The following WDR24 variants were observed in gnomAD, a reference collection of about 807,000 sequenced individuals.
The protein encoded by WDR24 is WD repeat domain 24, also known as GATOR2 complex protein WDR24.
In WDR24, 32 loss-of-function variants were observed where a neutral mutation model predicts 66.7. The observed-to-expected ratio is 0.48, with a 90% CI of 0.36 to 0.64. The LOEUF (loss-of-function observed/expected upper bound fraction) is 0.64. Ranked by LOEUF, WDR24 falls within the 30% of genes least tolerant of loss-of-function variation. The probability of loss-of-function intolerance (pLI) is 0.00; values close to 1 mark genes in which losing one functional copy is unlikely to be tolerated. For missense variants in WDR24, 978 were observed against 1,144.1 expected (o/e 0.85, Z 2.09); for synonymous variants, 565 against 469.1 (o/e 1.20, Z -2.64).
At chr16:688,925 A>T in intron 1 of WDR24, 1 of 611,502 alleles carries the variant, frequency 1.6e-6, no homozygotes, top group Non-Finnish European at 2.8e-6. Flanking sequence ...CCCCACACCT[A>T]GCCTCAATTT....
chr16:684,896 G>T lies in WDR24; in HGVS notation c.2211C>A (p.His737Gln). ...SSRGWVCDRCHRCASMCAVCH... is the reference protein window; with the variant it reads ...SSRGWVCDRCQRCASMCAVCH... ...AGACGGCACACATGCTGGCGCAGCG[G>T]TGGCACCTGGGGGCGGGCGGGAGGG... Residue 737 changes from histidine (H) to glutamine (Q), a missense_variant, in exon 9 of 9, where the codon CAC (histidine) becomes CAA (glutamine). Around this residue, in one of 2 missense-constraint regions of WDR24, gnomAD observed 676 missense variants for 617.5 expected, o/e 1.09. Coordinates refer to ENST00000293883, the MANE Select transcript of WDR24 (RefSeq NM_032259.4). 1.3e-6 allele frequency: 2 copies of T among 1,540,250 alleles called. No individual in the cohort carries two copies.
intron 1 of WDR24, 166 bp downstream of exon 1, chr16:688,994 G>T: frequency 8.8e-7 from 1 of 1,136,694 alleles, no homozygotes; most frequent in Non-Finnish European, 1.2e-6. Context: ...ATGCCGTCCA[G>T]CCCAACTTGC....
intron 1 of WDR24, among the ~76,000 whole-genome samples, chr16:688,452 T>C (rs1176032659): frequency 6.6e-6 from 1 of 152,206 alleles, no homozygotes; most frequent in Admixed American, 6.5e-5. Flanking sequence ...TGCGCCCAGC[T>C]AATTTTTTGT....
At chr16:686,428 G>A (rs1233143243) in intron 3 of WDR24, among the ~76,000 whole-genome samples, 1 of 152,208 alleles carries the variant, frequency 6.6e-6, no homozygotes, top group Non-Finnish European at 1.5e-5. Context: ...GCTAGAGATG[G>A]GCATGGGAAC....
Position 687,041 on chromosome 16 carries a change from G to A in WDR24, c.1035C>T (p.Tyr345=), listed in dbSNP as rs117601860. The change falls in exon 3 of 9, where the codon TAC becomes TAT. Residue 345 remains tyrosine (Y), a synonymous_variant. Coordinates refer to ENST00000293883, the MANE Select transcript of WDR24 (RefSeq NM_032259.4). ...CGAAGGCCAGGTCCCCGAAGAGGCCGTAGCAGAGGCCCTCAGGGTTGGCGC... is the reference window on the plus strand; with the variant it reads ...CGAAGGCCAGGTCCCCGAAGAGGCCATAGCAGAGGCCCTCAGGGTTGGCGC... ...VERANPEGLC[Y]GLFGDLAFAA... 54 of 1,603,424 alleles carry A rather than the reference G, an allele frequency of 3.4e-5. No individual in the cohort carries two copies. The East Asian group carries it at 8.5e-4, about 25-fold the overall frequency.
At chr16:686,616 A>G in intron 3 of WDR24, 128 bp downstream of exon 3, 1 of 1,203,898 alleles carries the variant, frequency 8.3e-7, no homozygotes, top group Non-Finnish European at 1.2e-6. Context: ...CTACCAAGGC[A>G]AGGCCTGTTG....
chr16:687,703 A>T lies in WDR24; in HGVS notation c.518T>A (p.Ile173Asn). ...GGAGGCGAAGGTGAAGTAGTCCCGG[A>T]TACTGAACTGCACGTCCCGCACGCT... ...SESVRDVQFSIRDYFTFASTF... is the reference protein window; with the variant it reads ...SESVRDVQFSNRDYFTFASTF... The change falls in exon 2 of 9, where the codon ATC (isoleucine) becomes AAC (asparagine). Residue 173 changes from isoleucine (I) to asparagine (N), a missense_variant. Coordinates refer to ENST00000293883, the MANE Select transcript of WDR24 (RefSeq NM_032259.4). 6.2e-7 allele frequency: 1 copy of T among 1,613,600 alleles called. No individual in the cohort carries two copies. Among genetic ancestry groups the T allele is most frequent in the Non-Finnish European group, 8.5e-7 (1 of 1,180,002 alleles).
At chr16:688,221 G>C in intron 1 of WDR24, 1 of 375,818 alleles carries the variant, frequency 2.7e-6, no homozygotes, top group East Asian at 7.3e-5. Context: ...CACCCTAGGG[G>C]ACCACCACAC....
At position 689,182 on chromosome 16, in the gene WDR24, C is replaced by G. The variant is rs1467108461; in HGVS notation, c.459G>C (p.Lys153Asn). The part of the protein sequence containing the change: ...GFMKCFDLRR[K>N]DSVSTFSGQS... ...CACCCGAGAAGGTGCTGACAGAGTCCTTTCTGCGGAGGTCAAAGCACTTCA... is the reference window on the plus strand; with the variant it reads ...CACCCGAGAAGGTGCTGACAGAGTCGTTTCTGCGGAGGTCAAAGCACTTCA... Residue 153 changes from lysine to asparagine, a missense_variant, in exon 1 of 9, where the codon AAG becomes AAC. By Grantham distance (94) the Lys-to-Asn change is moderately conservative (BLOSUM62 0). Transcript: ENST00000293883. The G allele has an allele frequency of 6.2e-7, 1 of 1,613,544 alleles. No homozygotes were observed. The highest frequency in any genetic ancestry group is 1.7e-5 in the Admixed American group (1 of 60,002).
In WDR24 at chr16:685,191, G is replaced by C. The variant is rs781547839; in HGVS notation, c.2020-15C>G. The C allele has an allele frequency of 6.3e-7, 1 of 1,593,090 alleles. No individual in the cohort carries two copies. Among genetic ancestry groups the C allele is most frequent in the Non-Finnish European group, 8.5e-7 (1 of 1,169,628 alleles). Reference sequence around the variant, plus strand: ...TACCAGTGCTCCTGGGGGAGGGAGCGCCCGGCAGTCAGGATCTGGGTGCCA... The same window carrying C: ...TACCAGTGCTCCTGGGGGAGGGAGCCCCCGGCAGTCAGGATCTGGGTGCCA... On this transcript the variant is annotated splice_polypyrimidine_tract_variant and intron_variant, in intron 7 of 8. Coordinates refer to ENST00000293883, the MANE Select transcript of WDR24 (RefSeq NM_032259.4).
chr16:684,955 C>A, intron 8 of WDR24, 37 bp downstream of exon 8: 2 of 1,536,870 alleles, frequency 1.3e-6, no homozygotes, highest in Non-Finnish European at 8.7e-7. Flanking sequence ...GCGCTGCCTG[C>A]AGGCCCCTGC....
At position 684,780 on chromosome 16, in the gene WDR24, C is replaced by T. The variant is rs1427711661; in HGVS notation, c.2327G>A (p.Ser776Asn). Residue 776 changes from serine (S) to asparagine (N), a missense_variant, in exon 9 of 9, where the codon AGC becomes AAC. Coordinates refer to ENST00000293883, the MANE Select transcript of WDR24 (RefSeq NM_032259.4). ...GCCGCAGCCTGCGGGACAGTGGGAG[C>T]TGCCTTCCAGCCACTTCATGATGTG... ...LQHIMKWLEG[S>N]SHCPAGCGHL... 1.0e-5 allele frequency: 16 copies of T among 1,597,472 alleles called. No homozygotes were observed. In the Admixed American group the frequency reaches 2.4e-4, roughly 24 times the overall value.
chr16:687,911 A>C, intron 1 of WDR24, 172 bp from the exon 2 acceptor site: 2 of 860,740 alleles, frequency 2.3e-6, no homozygotes, highest in East Asian at 2.6e-5. Context: ...CAGAGTCGCC[A>C]CAAGAGCCTG....
Position 684,713 on chromosome 16 carries a change from G to A in WDR24, c.*21C>T. ...CGGGGTTCTGCACGCGGCCGCCCGG[G>A]CAAGCCCAGCAGATGCCCCGTCAGG... On this transcript the variant is annotated 3_prime_UTR_variant, in exon 9 of 9. Transcript: ENST00000293883. 4 of 1,567,552 alleles carry A rather than the reference G, an allele frequency of 2.6e-6. No homozygotes were observed. The highest frequency in any genetic ancestry group is 2.3e-5 in the East Asian group (1 of 42,934).
chr16:685,220 G>A (rs773040198), intron 7 of WDR24, 37 bp downstream of exon 7: 1 of 1,597,648 alleles, frequency 6.3e-7, no homozygotes, highest in Non-Finnish European at 8.5e-7. Flanking sequence ...GGTGCCAGGG[G>A]CGGCGCTGCA....
At position 684,792 on chromosome 16, in the gene WDR24, C is replaced by T. The variant is rs772654949; in HGVS notation, c.2315G>A (p.Trp772Ter). 1 of 1,593,628 alleles carries T rather than the reference C, an allele frequency of 6.3e-7. No homozygotes were observed. The highest frequency in any genetic ancestry group is 8.5e-7 in the Non-Finnish European group (1 of 1,171,618). ...GGGACAGTGGGAGCTGCCTTCCAGCCACTTCATGATGTGCTGCAGGTGGCC... is the reference window on the plus strand; with the variant it reads ...GGGACAGTGGGAGCTGCCTTCCAGCTACTTCATGATGTGCTGCAGGTGGCC... ...HGGHLQHIMKWLEGSSHCPAG... is the reference protein window; with the variant it reads ...HGGHLQHIMK Residue 772 changes from tryptophan (W) to a stop codon, truncating the protein, a stop_gained, in exon 9 of 9, where the codon TGG becomes TAG. Transcript: ENST00000293883. LOFTEE classifies it high-confidence loss of function.
intron 1 of WDR24, among the ~76,000 whole-genome samples, chr16:688,706 G>A (rs976663022): frequency 1.3e-5 from 2 of 152,244 alleles, no homozygotes; most frequent in South Asian, 2.1e-4. Context: ...GGCAGCCATC[G>A]GGGAGCTGGG....
rs375731444 is a variant in WDR24 at position 686,989 on chromosome 16, C to T, written c.1087G>A (p.Glu363Lys). Residue 363 changes from glutamate (E) to lysine (K), a missense_variant, in exon 3 of 9, where the codon GAG becomes AAG. Glu to Lys is a moderately conservative substitution (Grantham distance 56). This residue lies in a region of WDR24 where 676 missense variants were observed against 617.5 expected (regional missense o/e 1.09). Transcript: ENST00000293883. ...FAAKESLVAA[E>K]SGRKPYTGDR... Reference sequence around the variant, plus strand: ...CCAGTGTAGGGCTTGCGCCCCGACTCGGCAGCCACGAGGCTCTCCTTGGCG... The same window carrying T: ...CCAGTGTAGGGCTTGCGCCCCGACTTGGCAGCCACGAGGCTCTCCTTGGCG... 17 of 1,599,568 alleles carry T rather than the reference C, an allele frequency of 1.1e-5. No homozygotes were observed. Among genetic ancestry groups the T allele is most frequent in the Non-Finnish European group, 1.3e-5 (15 of 1,177,150 alleles).
Position 685,515 on chromosome 16 carries a change from G to C in WDR24, c.1761C>G (p.His587Gln). Residue 587 changes from histidine (H) to glutamine (Q), a missense_variant, in exon 7 of 9, where the codon CAC (histidine) becomes CAG (glutamine). His to Gln is a conservative substitution (Grantham distance 24, BLOSUM62 0). Around this residue, in one of 2 missense-constraint regions of WDR24, gnomAD observed 676 missense variants for 617.5 expected, o/e 1.09. Transcript: ENST00000293883. Reference protein sequence around the residue: ...EIVDTPPGPEHLQDKADSPHV... With the variant: ...EIVDTPPGPEQLQDKADSPHV... ...GCGGGGAGTCGGCCTTGTCCTGCAG[G>C]TGCTCGGGCCCGGGAGGCGTGTCCA... 6.3e-7 allele frequency: 1 copy of C among 1,592,104 alleles called. No homozygotes were observed. Among genetic ancestry groups the C allele is most frequent in the Non-Finnish European group, 8.6e-7 (1 of 1,165,772 alleles).
Sources: allele counts gnomAD v4.1 joint callset (sites outside exome capture counted in the v4.1 genomes callset), GRCh38; gene constraint gnomAD v4.1.1; regional missense constraint gnomAD v4.1.1; transcripts MANE v1.5; gene names NCBI Gene and HGNC (gene_info 2026-07-23, HGNC 2026-07-21).